TYW1B: variants seen among roughly 807,000 people sequenced by gnomAD.
TYW1B encodes S-adenosyl-L-methionine-dependent tRNA 4-demethylwyosine synthase TYW1B.
In TYW1B, 73 loss-of-function variants were observed where a neutral mutation model predicts 86.9. The ratio of observed to expected loss-of-function variants is 0.84; its 90% CI spans 0.70 to 1.02. The LOEUF (loss-of-function observed/expected upper bound fraction) is 1.02, where lower values mean the gene tolerates loss of function less well. Among genes scored for constraint, TYW1B ranks in the 50% least tolerant of loss-of-function variants. The probability of loss-of-function intolerance (pLI) is 0.00; values close to 1 mark genes in which losing one functional copy is unlikely to be tolerated. For synonymous variants in TYW1B, 248 were observed against 292.8 expected, an observed-to-expected ratio of 0.85 and a Z score of 1.56; for missense variants, 637 against 827.4, an observed-to-expected ratio of 0.77 and a Z score of 2.82.
intron 11 of TYW1B, among the ~76,000 whole-genome samples, chr7:72,633,603 T>C (rs1255699900): frequency 6.6e-6 from 1 of 152,216 alleles, no homozygotes; most frequent in East Asian, 1.9e-4. Context: ...GACTAATATC[T>C]AATATCCTGA....
chr7:72,613,598 G>A (rs574535262), intron 13 of TYW1B, among the ~76,000 whole-genome samples: 1 of 151,712 alleles, frequency 6.6e-6, no homozygotes, highest in Non-Finnish European at 1.5e-5. Context: ...ATTAGAGATG[G>A]AGTTTCACTA....
intron 13 of TYW1B, among the ~76,000 whole-genome samples, chr7:72,588,890 G>A (rs1300440460): frequency 8.6e-5 from 13 of 151,560 alleles, no homozygotes; most frequent in Non-Finnish European, 1.9e-4. Context: ...TTGGCTCACT[G>A]CAACCTCTGC....
intron 13 of TYW1B, among the ~76,000 whole-genome samples, chr7:72,605,358 TG>T (rs1811768840): frequency 2.0e-5 from 3 of 151,468 alleles, no homozygotes; most frequent in Admixed American, 6.6e-5. Flanking sequence ...TTGTTTGTTT[TG>T]TTTTTTTTTT....
chr7:72,683,457 C>A (rs1305083179), intron 11 of TYW1B, among the ~76,000 whole-genome samples: 4 of 152,102 alleles, frequency 2.6e-5, no homozygotes, highest in Non-Finnish European at 5.9e-5. Flanking sequence ...ATAATCCTAG[C>A]TACTTGGAAG....
chr7:72,812,296 C>T (rs1317060499), intron 3 of TYW1B, among the ~76,000 whole-genome samples: 9 of 152,094 alleles, frequency 5.9e-5, no homozygotes, highest in African/African-American at 2.2e-4. Context: ...AACAAAGTTT[C>T]GACTGCGTTT....
chr7:72,741,351 C>T (rs1787301554), intron 8 of TYW1B, among the ~76,000 whole-genome samples: 1 of 151,808 alleles, frequency 6.6e-6, no homozygotes, highest in African/African-American at 2.4e-5. Flanking sequence ...TAGAGGGTTT[C>T]AACAGAAGAT....
intron 11 of TYW1B, among the ~76,000 whole-genome samples, chr7:72,691,562 G>A (rs1173071412): frequency 1.3e-5 from 2 of 152,124 alleles, no homozygotes; most frequent in African/African-American, 4.8e-5. Context: ...CCAAAGACAG[G>A]AAGTAAACTA....
At chr7:72,658,469 C>T (rs570450384) in intron 11 of TYW1B, among the ~76,000 whole-genome samples, 226 of 152,166 alleles carry the variant, frequency 1.5e-3, no homozygotes, top group African/African-American at 5.0e-3. Context: ...AAACTAAACA[C>T]GTCAATAAAG....
At chr7:72,666,547 A>G (rs797038207) in intron 11 of TYW1B, among the ~76,000 whole-genome samples, 9 of 152,322 alleles carry the variant, frequency 5.9e-5, no homozygotes, top group African/African-American at 2.2e-4. Context: ...CATAGGAAAT[A>G]TATACCCAAT....
intron 13 of TYW1B, among the ~76,000 whole-genome samples, chr7:72,585,555 A>C (rs1811254008): frequency 6.6e-6 from 1 of 152,176 alleles, no homozygotes; most frequent in South Asian, 2.1e-4. Flanking sequence ...AGTTCCCACA[A>C]TTCCCATGTG....
At chr7:72,768,570 G>A (rs1427831292) in intron 7 of TYW1B, among the ~76,000 whole-genome samples, 5 of 152,002 alleles carry the variant, frequency 3.3e-5, no homozygotes, top group Non-Finnish European at 7.4e-5. Flanking sequence ...GGCGGATCAC[G>A]AGGTCAGGAG....
At chr7:72,784,205 A>C (rs1470761864) in intron 6 of TYW1B, among the ~76,000 whole-genome samples, 1 of 152,164 alleles carries the variant, frequency 6.6e-6, no homozygotes, top group African/African-American at 2.4e-5. Context: ...AGAAAGAGAA[A>C]ATAAACAATA....
At chr7:72,637,230 T>G (rs1400250623) in intron 11 of TYW1B, among the ~76,000 whole-genome samples, 1 of 152,046 alleles carries the variant, frequency 6.6e-6, no homozygotes, top group African/African-American at 2.4e-5. Context: ...ACTGGTATCA[T>G]CAAGAATTGG....
intron 13 of TYW1B, among the ~76,000 whole-genome samples, chr7:72,597,572 C>A (rs1811566730): frequency 6.6e-6 from 1 of 151,722 alleles, no homozygotes; most frequent in Non-Finnish European, 1.5e-5. Context: ...TATGGCGGTA[C>A]CACCCTGAAC....
At chr7:72,729,027 A>C in intron 8 of TYW1B, 96 bp from the exon 9 acceptor site, 1 of 1,180,820 alleles carries the variant, frequency 8.5e-7, no homozygotes, top group Non-Finnish European at 1.2e-6. Flanking sequence ...AAATCACAAA[A>C]TCAGGACTGG....
At chr7:72,622,554 C>A (rs1812243377) in intron 12 of TYW1B, among the ~76,000 whole-genome samples, 1 of 152,156 alleles carries the variant, frequency 6.6e-6, no homozygotes, top group South Asian at 2.1e-4. Context: ...GCCTCTCACC[C>A]CACATGAGAC....
rs566063280 is a variant in TYW1B, at chr7:72,713,026, C to T, written c.1370+595G>A. Among the ~76,000 whole-genome samples, 14 of 152,104 alleles carry T rather than the reference C, an allele frequency of 9.2e-5. No individual in the cohort carries two copies. The South Asian group carries it at 2.7e-3, about 29-fold the overall frequency. The stretch of plus-strand genomic sequence containing the variant: ...ATAAAGATAAAAATTAGACCAGGCG[C>T]AGTGGCTCACACCTGTAATGCCAGC... On this transcript the variant is annotated intron_variant, in intron 10 of 13. Transcript: ENST00000620995.
intron 10 of TYW1B, among the ~76,000 whole-genome samples, chr7:72,705,175 C>G (rs1814583235): frequency 1.3e-5 from 2 of 152,130 alleles, no homozygotes; most frequent in South Asian, 4.1e-4. Flanking sequence ...TTTCTGGAAC[C>G]ATTCTGAGCT....
chr7:72,647,833 T>C (rs1380348765), intron 11 of TYW1B, among the ~76,000 whole-genome samples: 1 of 152,042 alleles, frequency 6.6e-6, no homozygotes, highest in African/African-American at 2.4e-5. Flanking sequence ...TACAGGCACA[T>C]GCCATCACAT....
Sources: allele counts gnomAD v4.1 joint callset (sites outside exome capture counted in the v4.1 genomes callset), GRCh38; gene constraint gnomAD v4.1.1; transcripts MANE v1.5; gene names NCBI Gene and HGNC (gene_info 2026-07-23, HGNC 2026-07-21).